FAM107B: variants seen among roughly 807,000 people sequenced by gnomAD.
FAM107B encodes protein FAM107B.
A neutral mutation model predicts 31.5 loss-of-function variants in FAM107B; 21 were observed. The observed-to-expected ratio is 0.67, with a 90% CI of 0.47 to 0.96. FAM107B has a LOEUF of 0.96. FAM107B is among the 40% of genes least tolerant of loss of function. The probability of loss-of-function intolerance (pLI) is 0.00; values close to 1 mark genes in which losing one functional copy is unlikely to be tolerated. For synonymous variants in FAM107B, 157 were observed against 141.5 expected (o/e 1.11, Z -0.78); for missense variants, 452 against 377.1 (o/e 1.20, Z -1.64).
At chr10:14,645,957 C>A (rs1400912531) in intron 2 of FAM107B, among the ~76,000 whole-genome samples, 1 of 152,042 alleles carries the variant, frequency 6.6e-6, no homozygotes, top group African/African-American at 2.4e-5. Flanking sequence ...TGGAAACAAG[C>A]CCTCGATTTA....
chr10:14,701,654 T>C (rs1588715496), intron 1 of FAM107B, among the ~76,000 whole-genome samples: 1 of 151,576 alleles, frequency 6.6e-6, no homozygotes, highest in African/African-American at 2.4e-5. Flanking sequence ...CCCAACATCA[T>C]CTTGTGTTAC....
Position 14,731,209 on chromosome 10 carries a change from A to C in FAM107B, c.411+43044T>G, listed in dbSNP as rs186925293. ...AAAGGTGTCAGGTACTAAAAAAATAAGACAGAAAAGGTGCTTGCCCTGTGG... is the reference window on the plus strand; with the variant it reads ...AAAGGTGTCAGGTACTAAAAAAATACGACAGAAAAGGTGCTTGCCCTGTGG... On this transcript the variant is annotated intron_variant, in intron 1 of 4. Transcript: ENST00000181796. Among the ~76,000 whole-genome samples, 38 of 152,302 alleles carry C rather than the reference A, an allele frequency of 2.5e-4. No individual in the cohort carries two copies. The East Asian group carries it at 7.1e-3, about 29-fold the overall frequency.
chr10:14,639,854 C>T (rs1417748874), intron 2 of FAM107B, among the ~76,000 whole-genome samples: 2 of 152,222 alleles, frequency 1.3e-5, no homozygotes, highest in African/African-American at 4.8e-5. Context: ...CTTCCTCCTT[C>T]AGCTAACACT....
At chr10:14,645,968 T>C (rs1310571194) in intron 2 of FAM107B, among the ~76,000 whole-genome samples, 1 of 152,164 alleles carries the variant, frequency 6.6e-6, no homozygotes. Flanking sequence ...CCTCGATTTA[T>C]CTGCAGAACA....
At chr10:14,608,989 G>A (rs973746898) in intron 2 of FAM107B, among the ~76,000 whole-genome samples, 2 of 152,120 alleles carry the variant, frequency 1.3e-5, no homozygotes, top group Non-Finnish European at 2.9e-5. Context: ...AAGCACTTTG[G>A]TATTCAACAT....
At chr10:14,609,290 G>T (rs539304395) in intron 2 of FAM107B, among the ~76,000 whole-genome samples, 3 of 152,138 alleles carry the variant, frequency 2.0e-5, no homozygotes, top group Non-Finnish European at 4.4e-5. Flanking sequence ...CATGACTGGG[G>T]TCTATGCTGA....
At chr10:14,751,517 C>A in intron 1 of FAM107B, among the ~76,000 whole-genome samples, 1 of 142,130 alleles carries the variant, frequency 7.0e-6, no homozygotes, top group African/African-American at 2.9e-5. Context: ...TCTTTTTTTT[C>A]TTAGAGACAG....
At chr10:14,682,647 A>G (rs534957811) in intron 1 of FAM107B, among the ~76,000 whole-genome samples, 1 of 152,342 alleles carries the variant, frequency 6.6e-6, no homozygotes, top group Admixed American at 6.5e-5. Context: ...AAGAACAGAA[A>G]ACCAAGCCTC....
chr10:14,640,932 C>A (rs1483008916), intron 2 of FAM107B, among the ~76,000 whole-genome samples: 2 of 152,132 alleles, frequency 1.3e-5, no homozygotes, highest in Non-Finnish European at 2.9e-5. Flanking sequence ...AAGTTTTAAT[C>A]TAGATTTAAT....
At chr10:14,700,857 C>T (rs2601736) in intron 1 of FAM107B, among the ~76,000 whole-genome samples, 113,658 of 132,636 alleles carry the variant, frequency 0.86, 49,078 homozygotes, top group African/African-American at 0.9. Context: ...AAAAAACGCA[C>T]TAGGGTGAGT....
At chr10:14,612,805 C>A (rs10752340) in intron 2 of FAM107B, among the ~76,000 whole-genome samples, 1 of 151,758 alleles carries the variant, frequency 6.6e-6, no homozygotes, top group Non-Finnish European at 1.5e-5. Flanking sequence ...GTAAAAAAGA[C>A]TGGGAATAAA....
chr10:14,760,067 T>A (rs922660376), intron 1 of FAM107B, among the ~76,000 whole-genome samples: 1 of 152,198 alleles, frequency 6.6e-6, no homozygotes, highest in East Asian at 1.9e-4. Context: ...ATTTTTGTGA[T>A]CCATTCATTA....
rs145425019 is a variant in FAM107B at position 14,620,901 on chromosome 10, C to T, written c.469+46733G>A. On this transcript the variant is annotated intron_variant, in intron 2 of 4. Transcript: ENST00000181796. ...TGTACTTTCCAGCATACAAACCTTACATACATTTTGTTAAAGTAATCCCTA... is the reference window on the plus strand; with the variant it reads ...TGTACTTTCCAGCATACAAACCTTATATACATTTTGTTAAAGTAATCCCTA... Among the ~76,000 whole-genome samples, 306 of 152,314 alleles carry T rather than the reference C, an allele frequency of 2.0e-3. 1 individual carries two copies. Among genetic ancestry groups the T allele is most frequent in the Non-Finnish European group, 3.8e-3 (259 of 68,022 alleles).
At chr10:14,570,233 GGTGTGTGTGTGTGT>G (rs57206586) in intron 2 of FAM107B, among the ~76,000 whole-genome samples, 8 of 140,426 alleles carry the variant, frequency 5.7e-5, no homozygotes, top group African/African-American at 2.1e-4. Context: ...AAATGTGGTG[GGTGTGTGTGTGTGT>G]GTGTGTGTGT....
chr10:14,544,617 C>T (rs762541357), intron 2 of FAM107B, among the ~76,000 whole-genome samples: 11 of 152,168 alleles, frequency 7.2e-5, no homozygotes, highest in Non-Finnish European at 1.6e-4. Context: ...TAGCAAAAGG[C>T]CTTACCGTGA....
chr10:14,648,530 T>C (rs1226322196), intron 2 of FAM107B, among the ~76,000 whole-genome samples: 1 of 152,172 alleles, frequency 6.6e-6, no homozygotes, highest in Non-Finnish European at 1.5e-5. Flanking sequence ...ATGGTAACAC[T>C]GGGAAAAGCC....
chr10:14,593,593 C>T (rs1270094760), intron 2 of FAM107B, among the ~76,000 whole-genome samples: 1 of 151,660 alleles, frequency 6.6e-6, no homozygotes, highest in Non-Finnish European at 1.5e-5. Context: ...ACTCAGGAGG[C>T]TGAGGCAGGA....
intron 2 of FAM107B, chr10:14,532,513 C>T (rs775772323): frequency 7.9e-5 from 12 of 152,186 alleles, no homozygotes; most frequent in Non-Finnish European, 1.5e-4. Context: ...ACCAAACATT[C>T]CTCAGACACT....
chr10:14,669,231 G>A (rs1033326307), intron 1 of FAM107B, among the ~76,000 whole-genome samples: 2 of 152,036 alleles, frequency 1.3e-5, no homozygotes, highest in Non-Finnish European at 2.9e-5. Context: ...TTAGCTGGGT[G>A]TGGTTTTGCC....
Sources: allele counts gnomAD v4.1 joint callset (sites outside exome capture counted in the v4.1 genomes callset), GRCh38; gene constraint gnomAD v4.1.1; transcripts MANE v1.5; gene names NCBI Gene and HGNC (gene_info 2026-07-23, HGNC 2026-07-21).